ADGRV1: variants seen among roughly 807,000 people sequenced by gnomAD.
ADGRV1 encodes the protein adhesion G protein-coupled receptor V1.
In ADGRV1, 359 loss-of-function variants were observed where a neutral mutation model predicts 596.2. The observed-to-expected ratio is 0.60, with a 90% confidence interval of 0.55 to 0.66. The LOEUF is 0.66. ADGRV1 is among the 30% of genes least tolerant of loss of function. ADGRV1 has a pLI of 0.00. For synonymous variants in ADGRV1, 2,681 were observed against 2,679.2 expected, an observed-to-expected ratio of 1.00 and a Z score of -0.02; for missense variants, 7,274 against 7,575.6, an observed-to-expected ratio of 0.96 and a Z score of 1.48.
rs147361340 is a variant in ADGRV1, at chr5:90,959,630, G to C, written c.17857-5785G>C. 4.8e-4 allele frequency among the ~76,000 whole-genome samples: 73 copies of C among 152,194 alleles called. No homozygotes were observed. The East Asian group carries it at 0.014, about 29-fold the overall frequency. ...ACAAATAGATCAAGGGAACAGATTA[G>C]AGAGTCCAGAAATAGACTCCCACAT... On this transcript the variant is annotated intron_variant, in intron 83 of 89. Coordinates refer to ENST00000405460, the MANE Select transcript of ADGRV1 (RefSeq NM_032119.4).
At position 90,562,844 on chromosome 5, in the gene ADGRV1, G is replaced by A. The variant is rs899132069; in HGVS notation, c.22+3927G>A. 7.2e-5 allele frequency among the ~76,000 whole-genome samples: 11 copies of A among 152,158 alleles called. No individual in the cohort carries two copies. In the East Asian group the frequency reaches 1.4e-3, roughly 19 times the overall value. On this transcript the variant is annotated intron_variant, in intron 1 of 89. Coordinates refer to ENST00000405460, the MANE Select transcript of ADGRV1 (RefSeq NM_032119.4). ...ACAATAGCTCTTTCTGTATGCATTC[G>A]GATGTAATTACATTGAAAATATTTG... is the stretch of plus-strand genomic sequence containing the variant.
At position 90,711,241 on chromosome 5, in the gene ADGRV1, A is replaced by C; in HGVS notation, c.8961A>C (p.Glu2987Asp). The C allele has an allele frequency of 1.9e-6, 3 of 1,611,914 alleles. No individual in the cohort carries two copies. The highest frequency in any genetic ancestry group is 2.5e-6 in the Non-Finnish European group (3 of 1,178,170). The part of the protein sequence containing the change: ...SLTLVAQRSR[E>D]PLGHVSLFVY... Reference sequence around the variant, plus strand: ...CATTGGTAGCCCAGAGGAGCAGAGAACCTCTTGGCCATGTTTCCTTATTTG... The same window carrying C: ...CATTGGTAGCCCAGAGGAGCAGAGACCCTCTTGGCCATGTTTCCTTATTTG... The change falls in exon 41 of 90, where the codon GAA becomes GAC. Residue 2987 changes from glutamate (E) to aspartate (D), a missense_variant. Glu to Asp is a conservative substitution (Grantham distance 45, BLOSUM62 2). Coordinates refer to ENST00000405460, the MANE Select transcript of ADGRV1 (RefSeq NM_032119.4).
rs542081391 is a variant in ADGRV1 at position 90,781,477 on chromosome 5, C to T, written c.13130C>T (p.Pro4377Leu). The T allele has an allele frequency of 2.5e-6, 4 of 1,609,118 alleles. No homozygotes were observed. The African/African-American group carries it at 5.3e-5, about 22-fold the overall frequency. ...IQENGLQIDQ[P>L]PEIGNISIVR... ...GAAAATGGACTTCAGATAGATCAAC[C>T]TCCTGAAATAGGAAACATCTCCATT... Residue 4377 changes from proline (P) to leucine (L), a missense_variant, in exon 65 of 90, where the codon CCT becomes CTT. Physicochemically the swap from Pro to Leu is moderately conservative, Grantham distance 98 (BLOSUM62 -3). Transcript: ENST00000405460.
At chr5:90,626,431 T>A (rs1764767502) in intron 6 of ADGRV1, 1 of 152,174 alleles carries the variant, frequency 6.6e-6, no homozygotes, top group Non-Finnish European at 1.5e-5. Flanking sequence ...TCATAACATT[T>A]TATTTTTAAG....
At chr5:90,849,293 G>A (rs1766240301) in intron 79 of ADGRV1, among the ~76,000 whole-genome samples, 1 of 152,122 alleles carries the variant, frequency 6.6e-6, no homozygotes, top group Non-Finnish European at 1.5e-5. Context: ...AAAATAAAAT[G>A]TGGCTCATGT....
chr5:91,014,176 C>CACACACACACACACACACACACACACA (rs56292568), intron 85 of ADGRV1, among the ~76,000 whole-genome samples: 3,966 of 124,036 alleles, frequency 0.032, 607 homozygotes, highest in East Asian at 0.041. Context: ...ACACACACAC[C>CACACACACACACACACACACACACACA]CCTAGACATA....
At chr5:91,086,508 A>T (rs1374136336) in intron 86 of ADGRV1, among the ~76,000 whole-genome samples, 1 of 152,174 alleles carries the variant, frequency 6.6e-6, no homozygotes, top group African/African-American at 2.4e-5. Flanking sequence ...TGGCTGTCAA[A>T]CTAACTGATC....
intron 1 of ADGRV1, among the ~76,000 whole-genome samples, chr5:90,592,887 A>G (rs1283011346): frequency 6.6e-6 from 1 of 152,228 alleles, no homozygotes; most frequent in Non-Finnish European, 1.5e-5. Context: ...GCAAATCAAA[A>G]CCAGAATGAG....
chr5:90,858,320 G>A (rs1767223322), intron 82 of ADGRV1, among the ~76,000 whole-genome samples: 1 of 152,082 alleles, frequency 6.6e-6, no homozygotes, highest in Admixed American at 6.5e-5. Flanking sequence ...AGAAACTTCA[G>A]CATGGTTTGA....
chr5:90,805,206 G>A, intron 71 of ADGRV1, 78 bp from the exon 72 acceptor site: 1 of 1,238,446 alleles, frequency 8.1e-7, no homozygotes, highest in South Asian at 1.5e-5. Context: ...CCAAGGGAAA[G>A]TTTACGTTTA....
intron 83 of ADGRV1, among the ~76,000 whole-genome samples, chr5:90,947,221 A>T (rs1776651585): frequency 6.6e-6 from 1 of 152,044 alleles, no homozygotes; most frequent in South Asian, 2.1e-4. Context: ...TTTGATTTGC[A>T]TTTCTCTAAC....
At chr5:90,696,237 AC>A (rs1302874935) in intron 33 of ADGRV1, among the ~76,000 whole-genome samples, 3 of 152,090 alleles carry the variant, frequency 2.0e-5, no homozygotes, top group Non-Finnish European at 4.4e-5. Context: ...GGATTTAGGG[AC>A]ATTCTGTGGT....
intron 84 of ADGRV1, among the ~76,000 whole-genome samples, chr5:90,979,602 A>G (rs918560117): frequency 6.6e-6 from 1 of 152,186 alleles, no homozygotes; most frequent in Non-Finnish European, 1.5e-5. Context: ...TCATTGCCTC[A>G]GTTTCCTTAT....
At chr5:90,765,837 G>T (rs557298069) in intron 59 of ADGRV1, among the ~76,000 whole-genome samples, 1 of 150,766 alleles carries the variant, frequency 6.6e-6, no homozygotes, top group East Asian at 1.9e-4. Context: ...ATGAGTAACT[G>T]GGACTACAGG....
In ADGRV1 at chr5:90,829,011, A is replaced by G. The variant is rs368738607; in HGVS notation, c.16436A>G (p.Asn5479Ser). The G allele has an allele frequency of 6.8e-5, 109 of 1,609,672 alleles. No individual in the cohort carries two copies. The African/African-American group carries it at 1.2e-3, about 17-fold the overall frequency. ...GCTACTGCTGGAGCAGCAATAAACA[A>G]CAGTGCCAGATTCGCACAGATTAAA... ...YEATAGAAIN[N>S]SARFAQIKIL... The change falls in exon 77 of 90, where the codon AAC (asparagine) becomes AGC (serine). Residue 5479 changes from asparagine (N) to serine (S), a missense_variant. By Grantham distance (46) the Asn-to-Ser change is conservative. Transcript: ENST00000405460.
At chr5:91,022,915 A>G (rs1056807617) in intron 85 of ADGRV1, among the ~76,000 whole-genome samples, 12 of 152,152 alleles carry the variant, frequency 7.9e-5, no homozygotes, top group Non-Finnish European at 1.6e-4. Context: ...GTCATATTTA[A>G]AGGAGACACA....
At chr5:91,066,804 A>C (rs1276377050) in intron 85 of ADGRV1, among the ~76,000 whole-genome samples, 1 of 152,204 alleles carries the variant, frequency 6.6e-6, no homozygotes, top group Non-Finnish European at 1.5e-5. Context: ...ATTGGGATGG[A>C]GTCCTGGCTG....
rs77359543 is a variant in ADGRV1, at chr5:90,805,237, G to A, written c.14662-47G>A. 2,209 of 1,535,432 alleles carry A rather than the reference G, an allele frequency of 1.4e-3. 3 individuals carry two copies. The highest frequency in any genetic ancestry group is 1.5e-3 in the Non-Finnish European group (1,630 of 1,119,230). On this transcript the variant is annotated intron_variant, in intron 71 of 89. Coordinates refer to ENST00000405460, the MANE Select transcript of ADGRV1 (RefSeq NM_032119.4). ...GTTTAACCCATTCCTCAGAAAACAG[G>A]AAGGTTTAGAGAGAAATAAAATACT...
intron 87 of ADGRV1, among the ~76,000 whole-genome samples, chr5:91,104,860 C>CTTTTTTT (rs60957930): frequency 1.4e-4 from 18 of 125,990 alleles, no homozygotes; most frequent in South Asian, 5.1e-4. Context: ...CTTTTCTTTT[C>CTTTTTTT]TTTTTTTTTT....
Sources: gnomAD v4.1 joint callset for allele counts (sites outside exome capture counted in the v4.1 genomes callset) on GRCh38, gnomAD v4.1.1 for gene constraint, MANE v1.5 for transcripts, NCBI Gene and HGNC (gene_info 2026-07-23, HGNC 2026-07-21) for gene names.